The following ADAMTS6 variants were observed in gnomAD, a reference collection of about 807,000 sequenced individuals.
ADAMTS6 encodes the protein A disintegrin and metalloproteinase with thrombospondin motifs 6.
A neutral mutation model predicts 144.3 loss-of-function variants in ADAMTS6; 23 were observed. That is an observed-to-expected ratio of 0.16 (90% CI 0.11 to 0.23). ADAMTS6 has a LOEUF of 0.23. Ranked by LOEUF, ADAMTS6 falls within the 10% of genes least tolerant of loss-of-function variation. ADAMTS6 has a pLI of 1.00. For synonymous variants in ADAMTS6, 444 were observed against 457.5 expected (o/e 0.97, Z 0.38); for missense variants, 999 against 1,379.6 (o/e 0.72, Z 4.37).
rs548699605 is a variant in ADAMTS6 at position 65,243,409 on chromosome 5, C to T, written c.1831-1203G>A. Among the ~76,000 whole-genome samples, 4 of 152,188 alleles carry T rather than the reference C, an allele frequency of 2.6e-5. No individual in the cohort carries two copies. The East Asian group carries it at 5.8e-4, about 22-fold the overall frequency. On this transcript the variant is annotated intron_variant, in intron 14 of 24. Coordinates refer to ENST00000381055, the MANE Select transcript of ADAMTS6 (RefSeq NM_197941.4). ...GGTCATCATTACTTCGTATATAATACGGTTCAATTTTCACCACATCAAGTC... is the reference window on the plus strand; with the variant it reads ...GGTCATCATTACTTCGTATATAATATGGTTCAATTTTCACCACATCAAGTC...
chr5:65,291,445 T>C lies in ADAMTS6; in HGVS notation c.1396A>G (p.Asn466Asp), dbSNP rs369012760. The C allele has an allele frequency of 5.8e-5, 94 of 1,613,790 alleles. No individual in the cohort carries two copies. Among genetic ancestry groups the C allele is most frequent in the Non-Finnish European group, 7.7e-5 (91 of 1,179,874 alleles). ...LDSGRGTCLD[N>D]EPPKRDFLYP... ...AGAAAGTCACGCTTGGGAGGCTCAT[T>C]ATCAAGGCAAGTACCACGGCCTGAA... Residue 466 changes from asparagine (N) to aspartate (D), a missense_variant, in exon 11 of 25, where the codon AAT (asparagine) becomes GAT (aspartate). This residue lies in a region of ADAMTS6 where 619 missense variants were observed against 837.0 expected (regional missense o/e 0.74). Coordinates refer to ENST00000381055, the MANE Select transcript of ADAMTS6 (RefSeq NM_197941.4).
chr5:65,173,039 G>C, intron 22 of ADAMTS6, 31 bp from the exon 23 acceptor site: 1 of 1,602,002 alleles, frequency 6.2e-7, no homozygotes, highest in Non-Finnish European at 8.5e-7. Flanking sequence ...AATGAATCAC[G>C]ACAGTTTAAA....
chr5:65,289,048 C>G (rs570348048), intron 11 of ADAMTS6, among the ~76,000 whole-genome samples: 21 of 152,270 alleles, frequency 1.4e-4, no homozygotes, highest in African/African-American at 5.1e-4. Context: ...TGCACTTAAA[C>G]AAATAACACA....
intron 18 of ADAMTS6, among the ~76,000 whole-genome samples, chr5:65,222,465 T>C (rs945012150): frequency 3.3e-5 from 5 of 152,312 alleles, no homozygotes; most frequent in Admixed American, 2.0e-4. Flanking sequence ...AACTTAAAAT[T>C]GACTGTATGT....
chr5:65,154,646 A>T (rs715676), intron 24 of ADAMTS6, among the ~76,000 whole-genome samples: 113,334 of 152,042 alleles, frequency 0.75, 43,070 homozygotes, highest in African/African-American at 0.88. Context: ...AATCTCAGAT[A>T]CTTCATCTCC....
At chr5:65,467,129 A>G (rs1161688468) in intron 3 of ADAMTS6, among the ~76,000 whole-genome samples, 1 of 152,106 alleles carries the variant, frequency 6.6e-6, no homozygotes, top group Non-Finnish European at 1.5e-5. Flanking sequence ...TAATTTTTTA[A>G]TCAACTGAAG....
chr5:65,411,032 CT>C, intron 7 of ADAMTS6, among the ~76,000 whole-genome samples: 1 of 152,016 alleles, frequency 6.6e-6, no homozygotes, highest in East Asian at 1.9e-4. Flanking sequence ...AGAAACGGGT[CT>C]TGCCATGTTT....
intron 10 of ADAMTS6, among the ~76,000 whole-genome samples, chr5:65,291,837 G>A (rs2112760216): frequency 6.6e-6 from 1 of 151,848 alleles, no homozygotes; most frequent in Non-Finnish European, 1.5e-5. Context: ...AACATGAAAT[G>A]CAGAAAATTA....
At chr5:65,374,598 G>T (rs1036582760) in intron 7 of ADAMTS6, among the ~76,000 whole-genome samples, 2 of 151,942 alleles carry the variant, frequency 1.3e-5, no homozygotes, top group African/African-American at 2.4e-5. Context: ...CACTGCTCAA[G>T]GAAATAAAAG....
chr5:65,415,673 C>A, intron 7 of ADAMTS6: 1 of 260,684 alleles, frequency 3.8e-6, no homozygotes, highest in South Asian at 4.0e-5. Context: ...AAGATTATGT[C>A]AGTGCAGAAG....
At chr5:65,210,673 T>C in intron 20 of ADAMTS6, 2 of 630,368 alleles carry the variant, frequency 3.2e-6, no homozygotes, top group Non-Finnish European at 3.0e-6. Flanking sequence ...TGGTTATGAT[T>C]CTGAAAGCAA....
At chr5:65,224,279 A>G in intron 18 of ADAMTS6, 41 bp downstream of exon 18, 1 of 1,534,004 alleles carries the variant, frequency 6.5e-7, no homozygotes, top group South Asian at 1.1e-5. Flanking sequence ...TTCCTCATTT[A>G]CTTTTAAAAT....
chr5:65,371,666 A>C (rs537570504), intron 7 of ADAMTS6, among the ~76,000 whole-genome samples: 2 of 152,030 alleles, frequency 1.3e-5, no homozygotes, highest in South Asian at 2.1e-4. Flanking sequence ...GAAAGTGACG[A>C]GGAGAATGGA....
At chr5:65,397,133 C>T (rs1753409255) in intron 7 of ADAMTS6, among the ~76,000 whole-genome samples, 1 of 152,140 alleles carries the variant, frequency 6.6e-6, no homozygotes, top group South Asian at 2.1e-4. Flanking sequence ...TAGAGTTGTT[C>T]ATAGCATTCC....
intron 7 of ADAMTS6, among the ~76,000 whole-genome samples, chr5:65,421,257 T>C (rs1226709997): frequency 6.6e-6 from 1 of 152,206 alleles, no homozygotes; most frequent in Non-Finnish European, 1.5e-5. Flanking sequence ...ATATGTCTGA[T>C]CTAATAGTGA....
chr5:65,405,964 T>C lies in ADAMTS6; in HGVS notation c.1073+45511A>G, dbSNP rs149022043. ...TCTGTGTTAGTCTGTTATTGGTGTA[T>C]AAGAATGCTTGTGATTTTTACACAT... On this transcript the variant is annotated intron_variant, in intron 7 of 24. Transcript: ENST00000381055. Among the ~76,000 whole-genome samples the C allele has an allele frequency of 6.4e-3, 979 of 152,326 alleles. 6 individuals are homozygous for C. Among genetic ancestry groups the C allele is most frequent in the African/African-American group, 0.021 (862 of 41,570 alleles).
intron 24 of ADAMTS6, among the ~76,000 whole-genome samples, chr5:65,162,209 T>C (rs1199488562): frequency 1.3e-5 from 2 of 152,130 alleles, no homozygotes; most frequent in Non-Finnish European, 2.9e-5. Context: ...ATAATGATTA[T>C]GCATTATAGA....
chr5:65,297,030 A>G (rs1742908035), intron 10 of ADAMTS6: 4 of 333,848 alleles, frequency 1.2e-5, no homozygotes, highest in Admixed American at 8.0e-5. Flanking sequence ...AGTGTGAGCC[A>G]TAATACCAGG....
chr5:65,445,223 A>C (rs1184216179), intron 7 of ADAMTS6, among the ~76,000 whole-genome samples: 1 of 152,212 alleles, frequency 6.6e-6, no homozygotes, highest in African/African-American at 2.4e-5. Flanking sequence ...TTTGAACTTC[A>C]ACAAACAAAC....
Sources: gnomAD v4.1 joint callset for allele counts (sites outside exome capture counted in the v4.1 genomes callset) on GRCh38, gnomAD v4.1.1 for gene constraint, gnomAD v4.1.1 regional missense constraint, MANE v1.5 for transcripts, NCBI Gene and HGNC (gene_info 2026-07-23, HGNC 2026-07-21) for gene names.